Variants in PNPLA6 observed in about 807,000 individuals in gnomAD.
The protein encoded by PNPLA6 is patatin like domain 6, lysophospholipase.
In PNPLA6, 105 loss-of-function variants were observed where a neutral mutation model predicts 153.7. That is an observed-to-expected ratio of 0.68 (90% CI 0.58 to 0.80). PNPLA6 has a LOEUF of 0.80. PNPLA6 is among the 30% of genes least tolerant of loss of function. The pLI, the probability that PNPLA6 is intolerant of heterozygous loss-of-function variation, is 0.00. For missense variants in PNPLA6, 1,423 were observed against 1,919.3 expected (o/e 0.74, Z 4.83); for synonymous variants, 825 against 822.2 (o/e 1.00, Z -0.06).
intron 18 of PNPLA6, 70 bp downstream of exon 18, chr19:7,551,507 C>T: frequency 2.3e-6 from 3 of 1,300,534 alleles, no homozygotes; most frequent in Non-Finnish European, 2.2e-6. Context: ...GGGAGGGAAG[C>T]CTTCTTTCCT....
At chr19:7,539,199 C>T (rs751544598) in intron 3 of PNPLA6, among the ~76,000 whole-genome samples, 3 of 152,160 alleles carry the variant, frequency 2.0e-5, no homozygotes, top group African/African-American at 4.8e-5. Flanking sequence ...TGTGGCCAGC[C>T]GGGTGCAGTG....
chr19:7,545,413 T>C (rs1169127554), intron 13 of PNPLA6, among the ~76,000 whole-genome samples: 1 of 152,134 alleles, frequency 6.6e-6, no homozygotes, highest in African/African-American at 2.4e-5. Flanking sequence ...CTGCAGTGTT[T>C]TGGCAGGTGG....
rs777558728 is a variant in PNPLA6 at position 7,555,092 on chromosome 19, C to G, written c.2817+17C>G. On this transcript the variant is annotated intron_variant, in intron 22 of 31. Transcript: ENST00000600737. The surrounding 1 kb of genome is among the most constrained non-coding windows in gnomAD (Gnocchi z 6.3). ...GCCAAGCTGGTGAGGAGCGGGCCGG[C>G]CCCCACCTTCTAGGGGCGTGGCTGG... 1 of 1,590,204 alleles carries G rather than the reference C, an allele frequency of 6.3e-7. No individual in the cohort carries two copies.
In PNPLA6 at chr19:7,542,748, C is replaced by T; in HGVS notation, c.1363-13C>T. On this transcript the variant is annotated splice_polypyrimidine_tract_variant and intron_variant, in intron 11 of 31. Transcript: ENST00000600737. ...GAGGGAGCATCAGGAGGTCACAAGC[C>T]TGCCCCACTCAGACCCCCACTCAGG... 6.2e-7 allele frequency: 1 copy of T among 1,612,890 alleles called. No homozygotes were observed. The highest frequency in any genetic ancestry group is 2.2e-5 in the East Asian group (1 of 44,870).
chr19:7,538,186 A>C (rs2022964417), intron 3 of PNPLA6, among the ~76,000 whole-genome samples: 2 of 151,776 alleles, frequency 1.3e-5, no homozygotes, highest in African/African-American at 4.8e-5. Flanking sequence ...TATAATTATT[A>C]TTATTATTTT....
chr19:7,541,765 A>G lies in PNPLA6; in HGVS notation c.1168+81A>G. 4.8e-6 allele frequency: 7 copies of G among 1,462,514 alleles called. No individual in the cohort carries two copies. The highest frequency in any genetic ancestry group is 2.5e-5 in the East Asian group (1 of 40,604). 90.6% of individuals were successfully genotyped at this position (1,462,514 alleles called of 1,614,324 possible). ...CCGCCAGCCCCTTTTTCAGTTCTGCATAGAGTCAACCTGACCTTGTCCAGC... is the reference window on the plus strand; with the variant it reads ...CCGCCAGCCCCTTTTTCAGTTCTGCGTAGAGTCAACCTGACCTTGTCCAGC... On this transcript the variant is annotated intron_variant, in intron 9 of 31. Coordinates refer to ENST00000600737, the MANE Select transcript of PNPLA6 (RefSeq NM_001166114.2). The surrounding 1 kb of genome is among the most constrained non-coding windows in gnomAD (Gnocchi z 5.2).
In PNPLA6 at chr19:7,556,448, C is replaced by G. The variant is rs116788699; in HGVS notation, c.3094-5C>G. Reference sequence around the variant, plus strand: ...ATTTGACCCTGTCTGGCCCCTTGTCCCTAGAGCATGACTTCGGTGCTGGAA... The same window carrying G: ...ATTTGACCCTGTCTGGCCCCTTGTCGCTAGAGCATGACTTCGGTGCTGGAA... On this transcript the variant is annotated splice_region_variant and splice_polypyrimidine_tract_variant and intron_variant, in intron 24 of 31. Coordinates refer to ENST00000600737, the MANE Select transcript of PNPLA6 (RefSeq NM_001166114.2). 4 of 1,589,712 alleles carry G rather than the reference C, an allele frequency of 2.5e-6. No individual in the cohort carries two copies. The African/African-American group carries it at 5.4e-5, about 21-fold the overall frequency.
rs2023052355 is a variant in PNPLA6, at chr19:7,539,939, G to A, written c.435G>A (p.Glu145=). ...IAKKILRIQK[E]TPTLQRKEPP... The stretch of plus-strand genomic sequence containing the variant: ...CCAGGATCCTGCGCATCCAGAAAGA[G>A]ACGCCCACGCTGCAGCGGAAGGAGC... Residue 145 remains glutamate, a synonymous_variant, in exon 4 of 32, where the codon GAG becomes GAA. Coordinates refer to ENST00000600737, the MANE Select transcript of PNPLA6 (RefSeq NM_001166114.2). The A allele has an allele frequency of 3.9e-6, 6 of 1,557,436 alleles. No homozygotes were observed. Among genetic ancestry groups the A allele is most frequent in the Non-Finnish European group, 5.2e-6 (6 of 1,152,442 alleles).
intron 17 of PNPLA6, 57 bp downstream of exon 17, chr19:7,551,164 G>GGCCGGGCCTAGTGTGTGGGC: frequency 8.6e-7 from 1 of 1,166,542 alleles, no homozygotes; most frequent in Non-Finnish European, 1.2e-6. Flanking sequence ...GGGGGGTGGG[G>GGCCGGGCCTAGTGTGTGGGC]GCCGGGCCTA....
At chr19:7,535,456 G>A (rs2022806914), upstream of PNPLA6, 1 of 1,298,080 alleles carries the variant, frequency 7.7e-7, no homozygotes, top group Non-Finnish European at 1.1e-6. The surrounding 1 kb of genome is among the most constrained non-coding windows in gnomAD (Gnocchi z 5.0). Flanking sequence ...CAGGGGAGAG[G>A]TGGGCCCAGA....
chr19:7,557,158 C>T lies in PNPLA6; in HGVS notation c.3281-10C>T. ...TGTGCGTGTTTGTGTCTGTGTGTCC[C>T]ACCGCGCAGGCTCCCTGTGGCGGTA... is the stretch of plus-strand genomic sequence containing the variant. On this transcript the variant is annotated splice_polypyrimidine_tract_variant and intron_variant, in intron 26 of 31. Transcript: ENST00000600737. The T allele has an allele frequency of 6.3e-7, 1 of 1,595,516 alleles. No homozygotes were observed. Among genetic ancestry groups the T allele is most frequent in the Non-Finnish European group, 8.6e-7 (1 of 1,165,766 alleles).
At chr19:7,556,917 A>C in intron 26 of PNPLA6, 193 bp downstream of exon 26, 3 of 689,036 alleles carry the variant, frequency 4.4e-6, no homozygotes, top group Non-Finnish European at 7.9e-6. Context: ...GGGGGAGGGG[A>C]GCAGGGAGAC....
chr19:7,538,806 T>A (rs889218579), intron 3 of PNPLA6, among the ~76,000 whole-genome samples: 4 of 152,238 alleles, frequency 2.6e-5, no homozygotes, highest in African/African-American at 9.6e-5. Context: ...TATTGGAAGC[T>A]ATGTCAAAGG....
At chr19:7,539,803 G>C in intron 3 of PNPLA6, 115 bp from the exon 4 acceptor site, 2 of 606,678 alleles carry the variant, frequency 3.3e-6, no homozygotes, top group African/African-American at 1.9e-5. Context: ...GATTTGGCCA[G>C]CGGGCCAGAG....
rs1190710754 is a variant in PNPLA6 at position 7,554,735 on chromosome 19, G to A, written c.2634+12G>A. 1.9e-6 allele frequency: 3 copies of A among 1,610,674 alleles called. No individual in the cohort carries two copies. The highest frequency in any genetic ancestry group is 2.5e-6 in the Non-Finnish European group (3 of 1,179,636). On this transcript the variant is annotated intron_variant, in intron 21 of 31. Transcript: ENST00000600737. ...CTACCCTCGGCCAGGTCGGAAGCCC[G>A]TGCCCCCTGATCTCACCCACCTCGG...
At chr19:7,536,301 C>T in intron 2 of PNPLA6, 28 bp downstream of exon 2, 1 of 1,564,114 alleles carries the variant, frequency 6.4e-7, no homozygotes. Flanking sequence ...GGGGTCCGCC[C>T]TGACCACACA....
At position 7,556,579 on chromosome 19, in the gene PNPLA6, C is replaced by T; in HGVS notation, c.3210+10C>T. 5 of 1,593,712 alleles carry T rather than the reference C, an allele frequency of 3.1e-6. No individual in the cohort carries two copies. The highest frequency in any genetic ancestry group is 4.3e-6 in the Non-Finnish European group (5 of 1,161,400). On this transcript the variant is annotated intron_variant, in intron 25 of 31. Coordinates refer to ENST00000600737, the MANE Select transcript of PNPLA6 (RefSeq NM_001166114.2). ...GGATAAGCAGATTGAGGTAGGCCCACCTCATCCCCTGCCCTGCCTACCCCT... is the reference window on the plus strand; with the variant it reads ...GGATAAGCAGATTGAGGTAGGCCCATCTCATCCCCTGCCCTGCCTACCCCT...
At chr19:7,554,363 C>T (rs1363647112) in intron 20 of PNPLA6, 91 bp downstream of exon 20, 14 of 1,336,364 alleles carry the variant, frequency 1.0e-5, no homozygotes, top group Middle Eastern at 1.8e-4. Flanking sequence ...TGGCTTCCAA[C>T]CACGGAGCCT....
At chr19:7,535,391 A>ACGCTT, upstream of PNPLA6, 1 of 786,454 alleles carries the variant, frequency 1.3e-6, no homozygotes, top group South Asian at 1.5e-5. The surrounding 1 kb of genome is among the most constrained non-coding windows in gnomAD (Gnocchi z 5.0). Context: ...GCAGCTGGAG[A>ACGCTT]CGCTTCCCCC....
Sources: gnomAD v4.1 joint callset for allele counts (sites outside exome capture counted in the v4.1 genomes callset) on GRCh38, gnomAD v4.1.1 for gene constraint, Gnocchi (gnomAD v3.1) non-coding constraint, MANE v1.5 for transcripts, NCBI Gene and HGNC (gene_info 2026-07-23, HGNC 2026-07-21) for gene names.